Variants in DTNB observed in about 807,000 individuals in gnomAD.
DTNB encodes the protein dystrobrevin beta.
A neutral mutation model predicts 90.7 loss-of-function variants in DTNB; 63 were observed. The ratio of observed to expected loss-of-function variants is 0.69; its 90% CI spans 0.57 to 0.86. The LOEUF (loss-of-function observed/expected upper bound fraction) is 0.86. DTNB is among the 40% of genes least tolerant of loss of function. The pLI is 0.00. For synonymous variants in DTNB, 277 were observed against 286.7 expected, an observed-to-expected ratio of 0.97 and a Z score of 0.34; for missense variants, 744 against 807.1, an observed-to-expected ratio of 0.92 and a Z score of 0.95.
intron 6 of DTNB, among the ~76,000 whole-genome samples, chr2:25,592,247 C>G (rs1286047462): frequency 6.6e-6 from 1 of 151,798 alleles, no homozygotes; most frequent in Non-Finnish European, 1.5e-5. Context: ...ATCCAGGATG[C>G]TTCTGGTTTG....
intron 8 of DTNB, 48 bp downstream of exon 8, chr2:25,576,790 T>C (rs1251771076): frequency 1.3e-6 from 2 of 1,546,594 alleles, no homozygotes; most frequent in Non-Finnish European, 8.8e-7. Flanking sequence ...CTGTTACTGA[T>C]CAAACAGATT....
intron 3 of DTNB, among the ~76,000 whole-genome samples, chr2:25,630,180 G>C (rs1157399093): frequency 6.6e-6 from 1 of 152,142 alleles, no homozygotes; most frequent in Non-Finnish European, 1.5e-5. Context: ...AGAAAACTAC[G>C]ATAACATACC....
At chr2:25,429,365 C>T (rs1574313057) in intron 14 of DTNB, among the ~76,000 whole-genome samples, 1 of 152,288 alleles carries the variant, frequency 6.6e-6, no homozygotes, top group Non-Finnish European at 1.5e-5. Context: ...ATCCCATCTA[C>T]ATTCCTGTCC....
At chr2:25,643,176 T>C (rs943903797) in intron 2 of DTNB, among the ~76,000 whole-genome samples, 4 of 152,120 alleles carry the variant, frequency 2.6e-5, no homozygotes, top group African/African-American at 9.7e-5. Flanking sequence ...CCAATCAGTC[T>C]GGACTGCACA....
At chr2:25,558,878 A>G (rs1247664714) in intron 8 of DTNB, among the ~76,000 whole-genome samples, 1 of 152,182 alleles carries the variant, frequency 6.6e-6, no homozygotes, top group Non-Finnish European at 1.5e-5. Context: ...AAAGTCCAGA[A>G]TTTCAAAGGG....
intron 8 of DTNB, among the ~76,000 whole-genome samples, chr2:25,539,630 T>A (rs2080722291): frequency 6.6e-6 from 1 of 151,972 alleles, no homozygotes; most frequent in Admixed American, 6.5e-5. Flanking sequence ...ACTTTTTGTA[T>A]TTTAACCCTA....
chr2:25,454,149 CAA>C (rs55676356), intron 11 of DTNB, among the ~76,000 whole-genome samples: 26 of 99,264 alleles, frequency 2.6e-4, no homozygotes, highest in Admixed American at 3.1e-4. Flanking sequence ...GACTCTGTCT[CAA>C]AAAAAAAAAA....
intron 9 of DTNB, among the ~76,000 whole-genome samples, chr2:25,491,087 T>C (rs1338414345): frequency 2.0e-5 from 3 of 151,398 alleles, no homozygotes; most frequent in Admixed American, 1.3e-4. Context: ...AGTGAACCTA[T>C]ATTATTTTTG....
chr2:25,551,176 T>A (rs1043417126), intron 8 of DTNB, among the ~76,000 whole-genome samples: 1 of 152,242 alleles, frequency 6.6e-6, no homozygotes, highest in Non-Finnish European at 1.5e-5. Context: ...GCCCATCCAA[T>A]GAGTTTACTT....
chr2:25,526,296 C>T (rs919737029), intron 9 of DTNB, among the ~76,000 whole-genome samples: 3 of 147,410 alleles, frequency 2.0e-5, no homozygotes, highest in East Asian at 3.9e-4. Context: ...AAGCAACCAA[C>T]GTGTCCACCT....
chr2:25,519,368 T>A lies in DTNB; in HGVS notation c.1001+12105A>T, dbSNP rs1034284596. On this transcript the variant is annotated intron_variant, in intron 9 of 20. Coordinates refer to ENST00000406818, the MANE Select transcript of DTNB (RefSeq NM_021907.5). ...TGACAGATCAAGACCCTGTTTCTAC[T>A]TTTTTTTTTTTTTTTTTTTACTTTT... Among the ~76,000 whole-genome samples, 2 of 129,968 alleles carry A rather than the reference T, an allele frequency of 1.5e-5. 1 individual carries two copies. The highest frequency in any genetic ancestry group is 1.5e-4 in the Admixed American group (2 of 12,970). 85.3% of individuals were successfully genotyped at this position (129,968 alleles called of 152,430 possible). A position where few individuals can be genotyped will look rare whatever the true frequency, so the allele number is the denominator to read the frequency against.
intron 4 of DTNB, among the ~76,000 whole-genome samples, chr2:25,617,990 C>T (rs1303438366): frequency 6.6e-6 from 1 of 152,130 alleles, no homozygotes. Flanking sequence ...GTCTCAACAT[C>T]CTTACTTCCA....
chr2:25,510,555 T>C (rs2073712436), intron 9 of DTNB, among the ~76,000 whole-genome samples: 1 of 151,978 alleles, frequency 6.6e-6, no homozygotes, highest in Admixed American at 6.6e-5. Flanking sequence ...TTGCCCAGAA[T>C]GGAGTACAGT....
chr2:25,415,725 CCTAA>C (rs1444570444), intron 16 of DTNB, among the ~76,000 whole-genome samples: 2 of 151,990 alleles, frequency 1.3e-5, no homozygotes, highest in South Asian at 2.1e-4. Context: ...CCATAAAGAC[CCTAA>C]CTGAGGGGTT....
chr2:25,545,795 T>C (rs1008770370), intron 8 of DTNB, among the ~76,000 whole-genome samples: 26 of 152,170 alleles, frequency 1.7e-4, no homozygotes, highest in African/African-American at 6.0e-4. Context: ...CTAATTTCTG[T>C]ATTTTTAGTA....
At position 25,577,332 on chromosome 2, in the gene DTNB, G is replaced by A. The variant is rs1242414677; in HGVS notation, c.710-328C>T. 3.9e-5 allele frequency among the ~76,000 whole-genome samples: 6 copies of A among 152,214 alleles called. No individual in the cohort carries two copies. The South Asian group carries it at 1.2e-3, about 32-fold the overall frequency. ...CATGCCTGTAATCTCAGTTACTCAG[G>A]AGGCTGAGGCACAAGAATCATTTGA... On this transcript the variant is annotated intron_variant, in intron 7 of 20. Coordinates refer to ENST00000406818, the MANE Select transcript of DTNB (RefSeq NM_021907.5).
intron 1 of DTNB, among the ~76,000 whole-genome samples, chr2:25,670,785 T>C (rs2085661681): frequency 6.6e-6 from 1 of 152,214 alleles, no homozygotes; most frequent in Non-Finnish European, 1.5e-5. Flanking sequence ...AATTTCTTGA[T>C]TGGAATGGTG....
intron 10 of DTNB, among the ~76,000 whole-genome samples, chr2:25,469,600 C>G (rs2062414515): frequency 6.6e-6 from 1 of 152,114 alleles, no homozygotes; most frequent in African/African-American, 2.4e-5. Flanking sequence ...CACTTACCAC[C>G]ACGCCCAGCT....
At chr2:25,579,757 A>G (rs926919510) in intron 7 of DTNB, among the ~76,000 whole-genome samples, 1 of 152,026 alleles carries the variant, frequency 6.6e-6, no homozygotes. Context: ...TATCTTGGCT[A>G]TTTTTCTTTA....
Sources: gnomAD v4.1 joint callset for allele counts (sites outside exome capture counted in the v4.1 genomes callset) on GRCh38, gnomAD v4.1.1 for gene constraint, MANE v1.5 for transcripts, NCBI Gene and HGNC (gene_info 2026-07-23, HGNC 2026-07-21) for gene names.